The following MPP7 variants were observed in gnomAD, a reference collection of about 807,000 sequenced individuals.
MPP7 encodes the protein MAGUK p55 subfamily member 7.
In MPP7, 60 loss-of-function variants were observed where a neutral mutation model predicts 76.5. The ratio of observed to expected loss-of-function variants is 0.78; its 90% confidence interval spans 0.64 to 0.97. The LOEUF (loss-of-function observed/expected upper bound fraction) is 0.97. MPP7 is among the 50% of genes least tolerant of loss of function. The pLI, the probability that MPP7 is intolerant of heterozygous loss-of-function variation, is 0.00. For synonymous variants in MPP7, 237 were observed against 244.5 expected (o/e 0.97, Z 0.29); for missense variants, 641 against 694.0 (o/e 0.92, Z 0.86).
intron 1 of MPP7, among the ~76,000 whole-genome samples, chr10:28,291,887 TA>T (rs1424165022): frequency 1.3e-5 from 2 of 152,190 alleles, no homozygotes; most frequent in Admixed American, 6.5e-5. Context: ...GAACATAGTG[TA>T]GCCTAGACAT....
intron 11 of MPP7, among the ~76,000 whole-genome samples, chr10:28,107,182 T>C (rs1834352382): frequency 6.6e-6 from 1 of 152,150 alleles, no homozygotes; most frequent in Non-Finnish European, 1.5e-5. Context: ...TCCAGTGCTC[T>C]TTCCGTGCTA....
rs1417288931 is a variant in MPP7 at position 28,053,737 on chromosome 10, C to T, written c.*328G>A. ...CAGCCACACCTGAGACCAGCAGAAG[C>T]GCTGAACTCCCATACATACTAAGCC... On this transcript the variant is annotated 3_prime_UTR_variant, in exon 17 of 17. Transcript: ENST00000683449. 2 of 228,830 alleles carry T rather than the reference C, an allele frequency of 8.7e-6. No homozygotes were observed. The highest frequency in any genetic ancestry group is 2.3e-5 in the African/African-American group (1 of 42,902). 14.2% of individuals were successfully genotyped at this position (228,830 alleles called of 1,614,324 possible).
intron 1 of MPP7, among the ~76,000 whole-genome samples, chr10:28,272,393 G>A (rs1217488636): frequency 6.6e-6 from 1 of 152,096 alleles, no homozygotes; most frequent in East Asian, 1.9e-4. Flanking sequence ...ACTTTTAATA[G>A]TTTTACTTAT....
At chr10:28,152,174 T>G (rs1267941421) in intron 3 of MPP7, among the ~76,000 whole-genome samples, 1 of 152,222 alleles carries the variant, frequency 6.6e-6, no homozygotes, top group Admixed American at 6.5e-5. Context: ...AATAGTCAGT[T>G]TCTCTTCCAT....
chr10:28,091,061 C>A (rs545204857), intron 11 of MPP7, among the ~76,000 whole-genome samples: 1 of 151,982 alleles, frequency 6.6e-6, no homozygotes, highest in African/African-American at 2.4e-5. Context: ...ACAGGAGAAT[C>A]GCTTGAACTC....
chr10:28,145,922 C>A (rs140587776), intron 5 of MPP7, among the ~76,000 whole-genome samples: 42 of 152,288 alleles, frequency 2.8e-4, no homozygotes, highest in African/African-American at 8.9e-4. Flanking sequence ...CAGTTCTCAT[C>A]CAGTATAATA....
intron 12 of MPP7, among the ~76,000 whole-genome samples, chr10:28,071,709 A>G (rs1327122997): frequency 6.6e-6 from 1 of 152,224 alleles, no homozygotes; most frequent in Non-Finnish European, 1.5e-5. Context: ...TGGCATGACT[A>G]GAGCAGAAAA....
intron 11 of MPP7, among the ~76,000 whole-genome samples, chr10:28,109,758 C>T (rs771954568): frequency 7.0e-6 from 1 of 143,814 alleles, no homozygotes; most frequent in Non-Finnish European, 1.5e-5. Context: ...TTGTTACCAG[C>T]ATAGTCAGCA....
At chr10:28,074,421 T>C (rs1232832414) in intron 12 of MPP7, among the ~76,000 whole-genome samples, 1 of 152,114 alleles carries the variant, frequency 6.6e-6, no homozygotes, top group Admixed American at 6.5e-5. Context: ...CCTCAGGCTC[T>C]TGAGTAGCTG....
chr10:28,274,080 T>C (rs1305277968), intron 1 of MPP7, among the ~76,000 whole-genome samples: 1 of 151,270 alleles, frequency 6.6e-6, no homozygotes, highest in Non-Finnish European at 1.5e-5. Context: ...ATACCCCATC[T>C]CTGTAAAATA....
At chr10:28,146,320 C>T (rs566774901) in intron 5 of MPP7, among the ~76,000 whole-genome samples, 1 of 152,182 alleles carries the variant, frequency 6.6e-6, no homozygotes, top group South Asian at 2.1e-4. Context: ...GCCTGTTTAG[C>T]TTTTACAGCA....
intron 3 of MPP7, among the ~76,000 whole-genome samples, chr10:28,175,011 T>C (rs1438519573): frequency 6.6e-6 from 1 of 152,116 alleles, no homozygotes; most frequent in Non-Finnish European, 1.5e-5. Flanking sequence ...TCCAAGAACA[T>C]GGCTGAGCAT....
intron 1 of MPP7, among the ~76,000 whole-genome samples, chr10:28,243,772 A>G (rs1301772860): frequency 6.6e-6 from 1 of 152,230 alleles, no homozygotes; most frequent in Non-Finnish European, 1.5e-5. Context: ...CACAGATACA[A>G]AAATATAAAG....
At chr10:28,236,656 A>C (rs1839085788) in intron 2 of MPP7, 1 of 152,172 alleles carries the variant, frequency 6.6e-6, no homozygotes, top group African/African-American at 2.4e-5. Context: ...ATAAGCAAGA[A>C]GGGAAAGAAG....
chr10:28,229,149 T>C (rs1838795096), intron 2 of MPP7, among the ~76,000 whole-genome samples: 1 of 152,114 alleles, frequency 6.6e-6, no homozygotes, highest in Non-Finnish European at 1.5e-5. Context: ...GAATTCTGGA[T>C]AAGGCATAGA....
chr10:28,193,605 G>T (rs1359181222), intron 3 of MPP7, among the ~76,000 whole-genome samples: 1 of 152,150 alleles, frequency 6.6e-6, no homozygotes, highest in Non-Finnish European at 1.5e-5. Context: ...CTTCTGCTTT[G>T]TGAGAGACAC....
intron 3 of MPP7, among the ~76,000 whole-genome samples, chr10:28,153,957 ACCTATCTACCT>A (rs749693756): frequency 2.0e-5 from 3 of 152,138 alleles, no homozygotes; most frequent in Non-Finnish European, 2.9e-5. Context: ...GCATGCATAC[ACCTATCTACCT>A]CCATATTTTA....
At chr10:28,082,760 C>A (rs1303314536) in intron 12 of MPP7, among the ~76,000 whole-genome samples, 2 of 152,130 alleles carry the variant, frequency 1.3e-5, no homozygotes, top group African/African-American at 4.8e-5. Context: ...TGAGTCACTG[C>A]GCTCAGTCTC....
At chr10:28,163,655 T>G (rs1352275783) in intron 3 of MPP7, among the ~76,000 whole-genome samples, 1 of 152,008 alleles carries the variant, frequency 6.6e-6, no homozygotes, top group Non-Finnish European at 1.5e-5. Context: ...CTGGAATGAG[T>G]ACTATATTTT....
Sources: gnomAD v4.1 joint callset for allele counts (sites outside exome capture counted in the v4.1 genomes callset) on GRCh38, gnomAD v4.1.1 for gene constraint, MANE v1.5 for transcripts, NCBI Gene and HGNC (gene_info 2026-07-23, HGNC 2026-07-21) for gene names.